The following COG5 variants were observed in gnomAD, a reference collection of about 807,000 sequenced individuals.
The protein encoded by COG5 is conserved oligomeric Golgi complex subunit 5.
In COG5, 86 loss-of-function variants were observed where a neutral mutation model predicts 110.4. That is an observed-to-expected ratio of 0.78 (90% CI 0.65 to 0.93). The LOEUF is 0.93. COG5 is among the 40% of genes least tolerant of loss of function. The probability of loss-of-function intolerance (pLI) is 0.00; values close to 1 mark genes in which losing one functional copy is unlikely to be tolerated. For synonymous variants in COG5, 360 were observed against 334.6 expected (o/e 1.08, Z -0.83); for missense variants, 1,077 against 987.0 (o/e 1.09, Z -1.22).
At chr7:107,525,553 C>CT (rs11465057) in intron 6 of COG5, among the ~76,000 whole-genome samples, 61,787 of 146,234 alleles carry the variant, frequency 0.42, 12,820 homozygotes, top group East Asian at 0.51. Context: ...TTAAAGTTAA[C>CT]TTTTTTTTTT....
At position 107,493,141 on chromosome 7, in the gene COG5, G is replaced by T. The variant is rs184171444; in HGVS notation, c.538+34096C>A. On this transcript the variant is annotated intron_variant, in intron 6 of 21. Coordinates refer to ENST00000297135, the MANE Select transcript of COG5 (RefSeq NM_006348.5). ...TCACTTCTGCTCTTATCCCACAAAG[G>T]AACACAGAGTTCATCTCTCTTACCC... Among the ~76,000 whole-genome samples the T allele has an allele frequency of 1.4e-3, 209 of 152,182 alleles. 1 individual carries two copies. Among genetic ancestry groups the T allele is most frequent in the African/African-American group, 4.6e-3 (192 of 41,544 alleles).
At chr7:107,298,453 A>G in intron 11 of COG5, 107 bp from the exon 12 acceptor site, 1 of 815,862 alleles carries the variant, frequency 1.2e-6, no homozygotes, top group Non-Finnish European at 2.0e-6. Flanking sequence ...AGGGCAAACC[A>G]AAGACGTGTT....
intron 6 of COG5, among the ~76,000 whole-genome samples, chr7:107,514,126 A>G (rs1448983077): frequency 6.6e-6 from 1 of 152,124 alleles, no homozygotes; most frequent in African/African-American, 2.4e-5. Flanking sequence ...GGCAATAAAA[A>G]TGTAAAACTC....
chr7:107,548,955 T>A (rs910642062), intron 3 of COG5, among the ~76,000 whole-genome samples: 2 of 152,196 alleles, frequency 1.3e-5, no homozygotes, highest in African/African-American at 4.8e-5. Context: ...AGTTTCTATA[T>A]CCAACTGGCA....
At chr7:107,270,915 G>A (rs1804219793) in intron 14 of COG5, among the ~76,000 whole-genome samples, 1 of 68,402 alleles carries the variant, frequency 1.5e-5, no homozygotes, top group Non-Finnish European at 3.0e-5. Context: ...TTTTTGTAGA[G>A]ATGGGATCTC....
Position 107,398,486 on chromosome 7 carries a change from C to T in COG5, c.669+14016G>A, listed in dbSNP as rs183172497. The stretch of plus-strand genomic sequence containing the variant: ...TGCGAACCCTATTGCTAACTGCACA[C>T]GCGAGGGACATAGGTTGTGTGCTCC... On this transcript the variant is annotated intron_variant, in intron 7 of 21. Coordinates refer to ENST00000297135, the MANE Select transcript of COG5 (RefSeq NM_006348.5). Among the ~76,000 whole-genome samples the T allele has an allele frequency of 4.8e-3, 724 of 152,232 alleles. 4 individuals carry two copies. Among genetic ancestry groups the T allele is most frequent in the Non-Finnish European group, 7.3e-3 (497 of 68,022 alleles).
In COG5 at chr7:107,314,185, A is replaced by G. The variant is rs367850361; in HGVS notation, c.1108+10255T>C. ...ATGATTTTATCTGTATAAAAGAAAA[A>G]TAACAATTTTAAAAAATTCCATTAG... On this transcript the variant is annotated intron_variant, in intron 11 of 21. Coordinates refer to ENST00000297135, the MANE Select transcript of COG5 (RefSeq NM_006348.5). Among the ~76,000 whole-genome samples, 56 of 152,346 alleles carry G rather than the reference A, an allele frequency of 3.7e-4. 1 individual carries two copies. In the East Asian group the frequency reaches 7.7e-3, roughly 21 times the overall value.
At chr7:107,518,500 G>T (rs1006237881) in intron 6 of COG5, among the ~76,000 whole-genome samples, 2 of 151,802 alleles carry the variant, frequency 1.3e-5, no homozygotes, top group African/African-American at 4.8e-5. Flanking sequence ...AAAAAGCAGG[G>T]GTTACAATCC....
intron 6 of COG5, among the ~76,000 whole-genome samples, chr7:107,511,365 T>G (rs1345311269): frequency 1.3e-5 from 2 of 152,180 alleles, no homozygotes; most frequent in Non-Finnish European, 2.9e-5. Flanking sequence ...AATCTCTGAA[T>G]AGACCAATAA....
At chr7:107,291,425 G>A (rs533844023) in intron 12 of COG5, among the ~76,000 whole-genome samples, 4 of 152,204 alleles carry the variant, frequency 2.6e-5, no homozygotes, top group African/African-American at 9.6e-5. Flanking sequence ...ACTGGTCCCC[G>A]CAGCTCTAAG....
intron 1 of COG5, among the ~76,000 whole-genome samples, chr7:107,562,969 A>C (rs1323102498): frequency 6.6e-6 from 1 of 152,224 alleles, no homozygotes; most frequent in Non-Finnish European, 1.5e-5. Context: ...AGATTAAAAC[A>C]AGTATACAAA....
intron 7 of COG5, among the ~76,000 whole-genome samples, chr7:107,381,160 G>A (rs538414044): frequency 4.6e-5 from 7 of 152,170 alleles, no homozygotes; most frequent in East Asian, 1.9e-4. Context: ...AAATAAAATC[G>A]TTTATGTTAA....
chr7:107,507,337 A>G (rs1477850697), intron 6 of COG5, among the ~76,000 whole-genome samples: 6 of 144,334 alleles, frequency 4.2e-5, no homozygotes, highest in African/African-American at 1.6e-4. Flanking sequence ...GCTGTCACCC[A>G]GGCTGGAGTG....
intron 3 of COG5, among the ~76,000 whole-genome samples, chr7:107,549,869 A>G (rs796547674): frequency 1.2e-4 from 18 of 152,236 alleles, no homozygotes; most frequent in African/African-American, 2.4e-4. Flanking sequence ...ATTCAGTCCC[A>G]AAGTTTTAAA....
At chr7:107,449,326 T>A (rs1050634754) in intron 6 of COG5, among the ~76,000 whole-genome samples, 3 of 152,204 alleles carry the variant, frequency 2.0e-5, no homozygotes, top group African/African-American at 7.2e-5. Context: ...CTGCACATTC[T>A]GCACATGTAT....
At chr7:107,398,734 T>A (rs998303000) in intron 7 of COG5, among the ~76,000 whole-genome samples, 1 of 152,182 alleles carries the variant, frequency 6.6e-6, no homozygotes, top group South Asian at 2.1e-4. Flanking sequence ...TGTATTTATA[T>A]AAAATTTTCA....
chr7:107,218,697 A>G (rs751900709), intron 19 of COG5, among the ~76,000 whole-genome samples: 14 of 152,238 alleles, frequency 9.2e-5, no homozygotes, highest in Middle Eastern at 6.8e-3. Context: ...TAAAAAATCA[A>G]TTCAAAAACG....
At chr7:107,384,062 G>GTTTCA (rs1815355973) in intron 7 of COG5, among the ~76,000 whole-genome samples, 1 of 152,086 alleles carries the variant, frequency 6.6e-6, no homozygotes, top group Admixed American at 6.6e-5. Flanking sequence ...CCCTCCCCTT[G>GTTTCA]TTTCATTTTG....
intron 6 of COG5, chr7:107,475,189 G>A (rs1251231889): frequency 8.1e-6 from 13 of 1,611,222 alleles, no homozygotes; most frequent in Non-Finnish European, 1.0e-5. Context: ...ATTTCAAAAG[G>A]TCTTGAAAAG....
Sources: gnomAD v4.1 joint callset for allele counts (sites outside exome capture counted in the v4.1 genomes callset) on GRCh38, gnomAD v4.1.1 for gene constraint, MANE v1.5 for transcripts, NCBI Gene and HGNC (gene_info 2026-07-23, HGNC 2026-07-21) for gene names.